The following CHCHD3 variants were observed in gnomAD, a reference collection of about 807,000 sequenced individuals.
The protein encoded by CHCHD3 is coiled-coil-helix-coiled-coil-helix domain containing 3, also known as MICOS complex subunit MIC19.
In CHCHD3, 20 loss-of-function variants were observed where a neutral mutation model predicts 38.2. The ratio of observed to expected loss-of-function variants is 0.52; its 90% CI spans 0.37 to 0.76. CHCHD3 has a LOEUF of 0.76. CHCHD3 is among the 30% of genes least tolerant of loss of function. The pLI, the probability that CHCHD3 is intolerant of heterozygous loss-of-function variation, is 0.00. For missense variants in CHCHD3, 245 were observed against 279.2 expected (o/e 0.88, Z 0.87); for synonymous variants, 82 against 100.0 (o/e 0.82, Z 1.07).
At chr7:133,052,624 T>C (rs1273639140) in intron 2 of CHCHD3, among the ~76,000 whole-genome samples, 1 of 152,216 alleles carries the variant, frequency 6.6e-6, no homozygotes, top group Admixed American at 6.5e-5. Flanking sequence ...GGTTGACACA[T>C]TATTTTCTTA....
chr7:133,024,213 A>T (rs1308705476), intron 3 of CHCHD3, among the ~76,000 whole-genome samples: 2 of 152,220 alleles, frequency 1.3e-5, no homozygotes, highest in African/African-American at 4.8e-5. Context: ...CAGGCAATAT[A>T]ATTTTCAATG....
chr7:132,946,172 ATG>A (rs34177004), intron 4 of CHCHD3, among the ~76,000 whole-genome samples: 31 of 150,570 alleles, frequency 2.1e-4, no homozygotes, highest in East Asian at 3.9e-4. Flanking sequence ...GCCTTTATAT[ATG>A]TGTGTGTGTG....
intron 6 of CHCHD3, among the ~76,000 whole-genome samples, chr7:132,833,019 T>C (rs947488863): frequency 1.5e-4 from 23 of 152,228 alleles, no homozygotes; most frequent in African/African-American, 3.1e-4. Context: ...CATAGTTTCA[T>C]AACTTTTGAT....
intron 3 of CHCHD3, among the ~76,000 whole-genome samples, chr7:132,983,641 T>C (rs985474703): frequency 1.3e-5 from 2 of 152,176 alleles, no homozygotes; most frequent in East Asian, 3.9e-4. Flanking sequence ...CATTGTTTAT[T>C]ACAATACCAT....
chr7:132,883,881 A>G (rs1323729328), intron 5 of CHCHD3, among the ~76,000 whole-genome samples: 2 of 152,152 alleles, frequency 1.3e-5, no homozygotes, highest in Non-Finnish European at 2.9e-5. Flanking sequence ...CACCACCAAC[A>G]TCCCAATCCA....
intron 4 of CHCHD3, among the ~76,000 whole-genome samples, chr7:132,960,715 T>C (rs1432143248): frequency 6.6e-6 from 1 of 152,162 alleles, no homozygotes; most frequent in Non-Finnish European, 1.5e-5. Flanking sequence ...TGGTGGCTCA[T>C]GCCTGTAATC....
intron 7 of CHCHD3, among the ~76,000 whole-genome samples, chr7:132,792,601 G>A: frequency 6.6e-6 from 1 of 152,168 alleles, no homozygotes; most frequent in East Asian, 1.9e-4. Flanking sequence ...GTACCAAATA[G>A]GCCATGTCTC....
At chr7:132,839,976 C>G (rs1807898087) in intron 5 of CHCHD3, among the ~76,000 whole-genome samples, 1 of 152,208 alleles carries the variant, frequency 6.6e-6, no homozygotes, top group Non-Finnish European at 1.5e-5. Flanking sequence ...TTTTCAAGCA[C>G]AAAGGTGCAT....
intron 2 of CHCHD3, among the ~76,000 whole-genome samples, chr7:133,029,907 C>T (rs555702575): frequency 7.3e-5 from 11 of 151,620 alleles, no homozygotes; most frequent in African/African-American, 2.7e-4. Context: ...CCCATGGCCA[C>T]TGAAAAAGAC....
At chr7:133,073,490 A>G (rs549143863) in intron 1 of CHCHD3, among the ~76,000 whole-genome samples, 27 of 152,092 alleles carry the variant, frequency 1.8e-4, no homozygotes, top group Non-Finnish European at 3.7e-4. Flanking sequence ...CCTCACACCC[A>G]AAGTGTCCAA....
intron 4 of CHCHD3, among the ~76,000 whole-genome samples, chr7:132,957,003 C>A (rs1811191065): frequency 6.6e-6 from 1 of 152,188 alleles, no homozygotes; most frequent in Admixed American, 6.5e-5. Flanking sequence ...AGAGCTTCCC[C>A]ACCCTCAGTG....
chr7:132,876,240 T>C (rs779034452), intron 5 of CHCHD3, among the ~76,000 whole-genome samples: 60 of 152,142 alleles, frequency 3.9e-4, no homozygotes, highest in Admixed American at 5.9e-4. Context: ...TGAAGAAAAT[T>C]CAAAGGATTT....
intron 5 of CHCHD3, among the ~76,000 whole-genome samples, chr7:132,880,049 G>C (rs893496362): frequency 6.6e-6 from 1 of 152,002 alleles, no homozygotes; most frequent in African/African-American, 2.4e-5. Context: ...TAGGTTATGA[G>C]GTAGCATTAA....
rs11329832 is a variant in CHCHD3 at position 132,917,294 on chromosome 7, CAA to C, written c.370-31551_370-31550del. Among the ~76,000 whole-genome samples the C allele has an allele frequency of 8.3e-3, 1,225 of 147,092 alleles. 16 individuals carry two copies. Among genetic ancestry groups the C allele is most frequent in the Non-Finnish European group, 9.3e-3 (621 of 66,502 alleles). ...CCCCCCTGCTGAAATTGAATTCTTA[CAA>C]AAAAAAAAATTAATCCCATACTCAG... is the stretch of plus-strand genomic sequence containing the variant. On this transcript the variant is annotated intron_variant, in intron 4 of 7. Coordinates refer to ENST00000262570, the MANE Select transcript of CHCHD3 (RefSeq NM_017812.4).
intron 5 of CHCHD3, among the ~76,000 whole-genome samples, chr7:132,879,812 G>A (rs1310079445): frequency 6.8e-6 from 1 of 147,122 alleles, no homozygotes; most frequent in African/African-American, 2.5e-5. Context: ...ATCAAAGTAT[G>A]AGCAAGTGAA....
intron 7 of CHCHD3, among the ~76,000 whole-genome samples, chr7:132,794,499 C>A (rs934563931): frequency 1.3e-5 from 2 of 152,116 alleles, no homozygotes; most frequent in Non-Finnish European, 2.9e-5. Flanking sequence ...TAAGGTGGTG[C>A]AGGTTCTTGG....
intron 2 of CHCHD3, among the ~76,000 whole-genome samples, chr7:133,037,360 G>T (rs1212819795): frequency 1.3e-5 from 2 of 152,070 alleles, no homozygotes; most frequent in Non-Finnish European, 2.9e-5. Context: ...ACAGTGAAAT[G>T]GTCAAATAAT....
chr7:132,982,978 T>C (rs1355777236), intron 3 of CHCHD3, among the ~76,000 whole-genome samples: 1 of 152,214 alleles, frequency 6.6e-6, no homozygotes, highest in Non-Finnish European at 1.5e-5. Flanking sequence ...ATGTTGATTC[T>C]GGTCAGTTTT....
At chr7:132,787,542 T>G (rs1806349905) in intron 7 of CHCHD3, among the ~76,000 whole-genome samples, 1 of 151,678 alleles carries the variant, frequency 6.6e-6, no homozygotes, top group Non-Finnish European at 1.5e-5. Flanking sequence ...ATTTTGGGTT[T>G]GTGAGGCAAT....
Sources: gnomAD v4.1 joint callset for allele counts (sites outside exome capture counted in the v4.1 genomes callset) on GRCh38, gnomAD v4.1.1 for gene constraint, MANE v1.5 for transcripts, NCBI Gene and HGNC (gene_info 2026-07-23, HGNC 2026-07-21) for gene names.